The following MEI4 variants were observed in gnomAD, a reference collection of about 807,000 sequenced individuals.
MEI4 encodes the protein meiosis-specific protein MEI4.
In MEI4, 27 loss-of-function variants were observed where a neutral mutation model predicts 31.4. The observed-to-expected ratio is 0.86, with a 90% CI of 0.63 to 1.19. The LOEUF (loss-of-function observed/expected upper bound fraction) is 1.19. MEI4 is among the 50% of genes most tolerant of loss of function. The pLI is 0.00. For synonymous variants in MEI4, 122 were observed against 145.4 expected, an observed-to-expected ratio of 0.84 and a Z score of 1.16; for missense variants, 329 against 398.9, an observed-to-expected ratio of 0.82 and a Z score of 1.49.
At chr6:77,735,503 C>T (rs1025164052) in intron 2 of MEI4, among the ~76,000 whole-genome samples, 5 of 152,024 alleles carry the variant, frequency 3.3e-5, no homozygotes, top group African/African-American at 4.8e-5. Flanking sequence ...TTAAGCACTT[C>T]TCTGTATTGG....
At chr6:77,874,998 T>C (rs151306440) in intron 4 of MEI4, among the ~76,000 whole-genome samples, 1 of 152,212 alleles carries the variant, frequency 6.6e-6, no homozygotes, top group African/African-American at 2.4e-5. Context: ...TAAGTGGTCA[T>C]AGCTGAAGGA....
chr6:77,726,915 TTAAA>T (rs144016579), intron 2 of MEI4, among the ~76,000 whole-genome samples: 5,950 of 152,300 alleles, frequency 0.039, 180 homozygotes, highest in African/African-American at 0.082. Context: ...AATTGGTGCT[TTAAA>T]TAAATAACGT....
intron 2 of MEI4, among the ~76,000 whole-genome samples, chr6:77,697,394 G>A (rs550515177): frequency 1.8e-4 from 27 of 152,136 alleles, no homozygotes; most frequent in African/African-American, 6.3e-4. Flanking sequence ...GCTTTCTCTT[G>A]TGGGCATTTA....
Position 77,924,121 on chromosome 6 carries a change from G to A in MEI4, c.*775G>A, listed in dbSNP as rs1278493835. 1 of 151,550 alleles carries A rather than the reference G, an allele frequency of 6.6e-6. No homozygotes were observed. Among genetic ancestry groups the A allele is most frequent in the Non-Finnish European group, 1.5e-5 (1 of 67,772 alleles). The allele number at this position is 151,550 out of a possible 1,614,324, so 9.4% of individuals were successfully genotyped here. ...AAAGTGAAATTTATAGTTATTTGGTGGAATTTTTCAGTTATACAATTTCAT... is the reference window on the plus strand; with the variant it reads ...AAAGTGAAATTTATAGTTATTTGGTAGAATTTTTCAGTTATACAATTTCAT... On this transcript the variant is annotated 3_prime_UTR_variant, in exon 5 of 5. Coordinates refer to ENST00000684080, the MANE Select transcript of MEI4 (RefSeq NM_001322247.2).
intron 1 of MEI4, among the ~76,000 whole-genome samples, chr6:77,685,452 CT>C (rs1193000662): frequency 1.3e-5 from 2 of 151,924 alleles, no homozygotes; most frequent in Non-Finnish European, 2.9e-5. Flanking sequence ...ATGTTAACCC[CT>C]TATAAGATAT....
chr6:77,687,600 T>G (rs1769081664), intron 1 of MEI4, among the ~76,000 whole-genome samples: 1 of 152,168 alleles, frequency 6.6e-6, no homozygotes, highest in African/African-American at 2.4e-5. Flanking sequence ...ACTTGCACTC[T>G]GTCTGACTTA....
At chr6:77,807,865 C>T (rs903561788) in intron 3 of MEI4, among the ~76,000 whole-genome samples, 1 of 152,132 alleles carries the variant, frequency 6.6e-6, no homozygotes, top group South Asian at 2.1e-4. Flanking sequence ...TAGTTAAACA[C>T]CTTGGCTGCA....
upstream of MEI4, among the ~76,000 whole-genome samples, chr6:77,650,727 C>T (rs1768285342): frequency 6.6e-6 from 1 of 152,234 alleles, no homozygotes; most frequent in South Asian, 2.1e-4. Context: ...GAGCTCCGCA[C>T]ACGTTTGGAC....
At chr6:77,826,492 T>C (rs1769954739) in intron 3 of MEI4, among the ~76,000 whole-genome samples, 1 of 152,152 alleles carries the variant, frequency 6.6e-6, no homozygotes, top group Admixed American at 6.5e-5. Context: ...GATCTTTATA[T>C]ACTACTCTGG....
chr6:77,655,755 G>C (rs1768382594), intron 1 of MEI4, among the ~76,000 whole-genome samples: 1 of 152,078 alleles, frequency 6.6e-6, no homozygotes, highest in African/African-American at 2.4e-5. Flanking sequence ...TTAGGTTTCA[G>C]ATTTAAATGA....
intron 3 of MEI4, among the ~76,000 whole-genome samples, chr6:77,814,782 T>C (rs1387541221): frequency 2.0e-5 from 3 of 151,958 alleles, no homozygotes; most frequent in African/African-American, 7.3e-5. Flanking sequence ...TCCCCCTCTA[T>C]CCCACTTTTC....
intron 1 of MEI4, among the ~76,000 whole-genome samples, chr6:77,677,590 C>T (rs1768868479): frequency 6.6e-6 from 1 of 152,168 alleles, no homozygotes; most frequent in Admixed American, 6.5e-5. Flanking sequence ...ATTTCTCAGA[C>T]AGAAGTAGGA....
intron 3 of MEI4, among the ~76,000 whole-genome samples, chr6:77,783,276 T>A (rs575715786): frequency 6.6e-6 from 1 of 152,306 alleles, no homozygotes; most frequent in Non-Finnish European, 1.5e-5. Flanking sequence ...GCTTACCCTG[T>A]GATAGGCATA....
At chr6:77,889,890 C>G (rs1194470194) in intron 4 of MEI4, among the ~76,000 whole-genome samples, 3 of 152,180 alleles carry the variant, frequency 2.0e-5, no homozygotes, top group African/African-American at 7.2e-5. Flanking sequence ...GTGTAAGCCC[C>G]AAGACTTGGA....
At chr6:77,727,472 AAAAT>A (rs902662745) in intron 2 of MEI4, among the ~76,000 whole-genome samples, 44 of 152,322 alleles carry the variant, frequency 2.9e-4, no homozygotes, top group African/African-American at 1.0e-3. Context: ...TATTGATTCC[AAAAT>A]AAATAAGAAG....
At chr6:77,766,400 A>G (rs1768174994) in intron 3 of MEI4, among the ~76,000 whole-genome samples, 1 of 152,132 alleles carries the variant, frequency 6.6e-6, no homozygotes, top group Admixed American at 6.6e-5. Flanking sequence ...ATGATGGATC[A>G]TGAAATCAGA....
rs925497624 is a variant in MEI4, at chr6:77,735,244, C to T, written c.233-25886C>T. Among the ~76,000 whole-genome samples the T allele has an allele frequency of 1.7e-4, 26 of 152,000 alleles. 1 individual carries two copies. The highest frequency in any genetic ancestry group is 6.1e-4 in the African/African-American group (25 of 41,278). On this transcript the variant is annotated intron_variant, in intron 2 of 4. Coordinates refer to ENST00000684080, the MANE Select transcript of MEI4 (RefSeq NM_001322247.2). Reference sequence around the variant, plus strand: ...TGCAGAGTGTTTTCCAACTTGGCTCCATTCTCCCCGTCACTTTCAGGTACA... The same window carrying T: ...TGCAGAGTGTTTTCCAACTTGGCTCTATTCTCCCCGTCACTTTCAGGTACA...
chr6:77,836,229 G>A (rs2127713330), intron 4 of MEI4, among the ~76,000 whole-genome samples: 1 of 152,156 alleles, frequency 6.6e-6, no homozygotes, highest in Middle Eastern at 3.4e-3. Flanking sequence ...TTTTCTCCGA[G>A]ATGCAGTTCA....
At chr6:77,805,194 A>T (rs548492729) in intron 3 of MEI4, among the ~76,000 whole-genome samples, 6 of 152,278 alleles carry the variant, frequency 3.9e-5, no homozygotes, top group Middle Eastern at 3.4e-3. Flanking sequence ...GATACAAATA[A>T]GAATTCCTTC....
Sources: allele counts gnomAD v4.1 joint callset (sites outside exome capture counted in the v4.1 genomes callset), GRCh38; gene constraint gnomAD v4.1.1; transcripts MANE v1.5; gene names NCBI Gene and HGNC (gene_info 2026-07-23, HGNC 2026-07-21).